TNFRSF11A: variants seen among roughly 807,000 people sequenced by gnomAD.
The protein encoded by TNFRSF11A is tumor necrosis factor receptor superfamily member 11A.
In TNFRSF11A, 32 loss-of-function variants were observed where a neutral mutation model predicts 55.7. The observed-to-expected ratio is 0.57, with a 90% CI of 0.43 to 0.77. TNFRSF11A has a LOEUF of 0.77. TNFRSF11A is among the 30% of genes least tolerant of loss of function. The pLI is 0.00. For synonymous variants in TNFRSF11A, 311 were observed against 331.0 expected, an observed-to-expected ratio of 0.94 and a Z score of 0.65; for missense variants, 753 against 809.8, an observed-to-expected ratio of 0.93 and a Z score of 0.85.
chr18:62,340,201 T>C (rs944481460), intron 1 of TNFRSF11A, among the ~76,000 whole-genome samples: 11 of 151,248 alleles, frequency 7.3e-5, no homozygotes, highest in East Asian at 2.0e-4. Flanking sequence ...CAGAAAAGAG[T>C]CCCAAATCCT....
chr18:62,377,262 A>T (rs754933643), intron 9 of TNFRSF11A, among the ~76,000 whole-genome samples: 7 of 152,174 alleles, frequency 4.6e-5, no homozygotes, highest in Admixed American at 2.6e-4. Flanking sequence ...TGTGGAGGAC[A>T]TGGGGGATTT....
intron 9 of TNFRSF11A, chr18:62,372,976 T>C (rs763738019): frequency 6.6e-6 from 1 of 152,332 alleles, no homozygotes; most frequent in East Asian, 1.9e-4. Context: ...GAAAAACAAG[T>C]AGGGATTAAT....
At position 62,354,553 on chromosome 18, in the gene TNFRSF11A, C is replaced by A. The variant is rs1460077740; in HGVS notation, c.427+19C>A. 6.2e-7 allele frequency: 1 copy of A among 1,601,748 alleles called. No homozygotes were observed. The highest frequency in any genetic ancestry group is 2.2e-5 in the East Asian group (1 of 44,860). ...CACCCGTGTACGGGTTGGATGTGTG[C>A]GTCTGTCGGCTCTTGCTGAGCCATG... On this transcript the variant is annotated intron_variant, in intron 4 of 9. Transcript: ENST00000586569.
intron 1 of TNFRSF11A, among the ~76,000 whole-genome samples, chr18:62,340,493 C>CT (rs35713438): frequency 8.0e-4 from 117 of 145,834 alleles, no homozygotes; most frequent in African/African-American, 9.6e-4. Flanking sequence ...CTGTGCTAAG[C>CT]TTTTTTTTTT....
In TNFRSF11A at chr18:62,387,228, T is replaced by C. The variant is rs1911795651; in HGVS notation, c.*2194T>C. The C allele has an allele frequency of 6.6e-6, 1 of 152,202 alleles. No homozygotes were observed. The highest frequency in any genetic ancestry group is 1.5e-5 in the Non-Finnish European group (1 of 68,042). The allele number at this position is 152,202 out of a possible 1,614,324, so 9.4% of individuals were successfully genotyped here. A position where few individuals can be genotyped will look rare whatever the true frequency, so the allele number is the denominator to read the frequency against. Reference sequence around the variant, plus strand: ...AAAAAGGTAATATTATTTCCTGCACTGATCCCTACTAATTCTATATTGATC... The same window carrying C: ...AAAAAGGTAATATTATTTCCTGCACCGATCCCTACTAATTCTATATTGATC... On this transcript the variant is annotated 3_prime_UTR_variant, in exon 10 of 10. Coordinates refer to ENST00000586569, the MANE Select transcript of TNFRSF11A (RefSeq NM_003839.4).
chr18:62,384,672 C>T (rs1050544597), intron 9 of TNFRSF11A, 79 bp from the exon 10 acceptor site: 6 of 1,548,792 alleles, frequency 3.9e-6, no homozygotes, highest in Non-Finnish European at 4.4e-6. Flanking sequence ...CCCTCCACTC[C>T]CCGGAACCTT....
In TNFRSF11A at chr18:62,361,691, T is replaced by A; in HGVS notation, c.628T>A (p.Tyr210Asn). 5 of 1,614,130 alleles carry A rather than the reference T, an allele frequency of 3.1e-6. No homozygotes were observed. Among genetic ancestry groups the A allele is most frequent in the Non-Finnish European group, 4.2e-6 (5 of 1,179,944 alleles). Residue 210 changes from tyrosine (Y) to asparagine (N), a missense_variant, in exon 7 of 10, where the codon TAC (tyrosine) becomes AAC (asparagine). Tyr to Asn is a moderately radical substitution (Grantham distance 143). Transcript: ENST00000586569. The part of the protein sequence containing the change: ...ARKPPNEPHV[Y>N]LPGLIILLLF... ...TTCTTCCAATACAGAACCCCATGTT[T>A]ACTTGCCCGGTTTAATAATTCTGCT...
chr18:62,348,516 C>T (rs1050760439), intron 2 of TNFRSF11A, among the ~76,000 whole-genome samples: 4 of 152,192 alleles, frequency 2.6e-5, no homozygotes, highest in African/African-American at 7.2e-5. Flanking sequence ...CACTATTTCT[C>T]GAGATGGCAA....
At chr18:62,376,918 CTTTT>C (rs1213961498) in intron 9 of TNFRSF11A, among the ~76,000 whole-genome samples, 1 of 151,986 alleles carries the variant, frequency 6.6e-6, no homozygotes, top group Non-Finnish European at 1.5e-5. Context: ...TAGCTCTTTT[CTTTT>C]TTTATTTTTT....
intron 1 of TNFRSF11A, among the ~76,000 whole-genome samples, chr18:62,338,042 A>G (rs2046259274): frequency 6.6e-6 from 1 of 152,242 alleles, no homozygotes; most frequent in Non-Finnish European, 1.5e-5. Flanking sequence ...ACAGGTGGCC[A>G]ATAAGCACAA....
intron 1 of TNFRSF11A, among the ~76,000 whole-genome samples, chr18:62,338,265 T>C (rs1414455687): frequency 6.6e-6 from 1 of 152,194 alleles, no homozygotes; most frequent in Admixed American, 6.5e-5. Flanking sequence ...CGGAAAACAG[T>C]TGAGGGGTGG....
rs375075146 is a variant in TNFRSF11A at position 62,361,699 on chromosome 18, C to G, written c.636C>G (p.Pro212=). ...KPPNEPHVYL[P]GLIILLLFAS... ...ATACAGAACCCCATGTTTACTTGCCCGGTTTAATAATTCTGCTTCTCTTCG... is the reference window on the plus strand; with the variant it reads ...ATACAGAACCCCATGTTTACTTGCCGGGTTTAATAATTCTGCTTCTCTTCG... Residue 212 remains proline, a synonymous_variant, in exon 7 of 10, where the codon CCC becomes CCG. Transcript: ENST00000586569. 1.2e-6 allele frequency: 2 copies of G among 1,614,072 alleles called. No individual in the cohort carries two copies. The highest frequency in any genetic ancestry group is 1.7e-6 in the Non-Finnish European group (2 of 1,179,966).
At chr18:62,378,812 G>A (rs991368751) in intron 9 of TNFRSF11A, among the ~76,000 whole-genome samples, 2 of 152,206 alleles carry the variant, frequency 1.3e-5, no homozygotes, top group African/African-American at 2.4e-5. Context: ...CTCACCACTA[G>A]TGAGAGCCAA....
chr18:62,371,701 A>G (rs186770319), intron 9 of TNFRSF11A, among the ~76,000 whole-genome samples: 147 of 152,356 alleles, frequency 9.6e-4, no homozygotes, highest in Non-Finnish European at 1.5e-3. Flanking sequence ...AGGCTGTGCT[A>G]TTCTCTCCAC....
At position 62,387,897 on chromosome 18, in the gene TNFRSF11A, C is replaced by G. The variant is rs1911841713; in HGVS notation, c.*2863C>G. Reference sequence around the variant, plus strand: ...TTGGGAGGCCAAGGCAGGAGGATCACTTGAGGACAGTAGTTAGAGATCAAA... The same window carrying G: ...TTGGGAGGCCAAGGCAGGAGGATCAGTTGAGGACAGTAGTTAGAGATCAAA... On this transcript the variant is annotated 3_prime_UTR_variant, in exon 10 of 10. Coordinates refer to ENST00000586569, the MANE Select transcript of TNFRSF11A (RefSeq NM_003839.4). The G allele has an allele frequency of 6.6e-6, 1 of 152,210 alleles. No individual in the cohort carries two copies. The highest frequency in any genetic ancestry group is 2.4e-5 in the African/African-American group (1 of 41,426). 9.4% of individuals were successfully genotyped at this position (152,210 alleles called of 1,614,324 possible). A position where few individuals can be genotyped will look rare whatever the true frequency, so the allele number is the denominator to read the frequency against.
chr18:62,385,311 A>G lies in TNFRSF11A; in HGVS notation c.*277A>G. 3.3e-6 allele frequency: 1 copy of G among 304,502 alleles called. No individual in the cohort carries two copies. Among genetic ancestry groups the G allele is most frequent in the Non-Finnish European group, 5.9e-6 (1 of 170,420 alleles). 18.9% of individuals were successfully genotyped at this position (304,502 alleles called of 1,614,324 possible). A position where few individuals can be genotyped will look rare whatever the true frequency, so the allele number is the denominator to read the frequency against. ...ACTCGCAGCAGTAATTTGTGGCACTATGACAGCTATTTTTATGACTATCCT... is the reference window on the plus strand; with the variant it reads ...ACTCGCAGCAGTAATTTGTGGCACTGTGACAGCTATTTTTATGACTATCCT... On this transcript the variant is annotated 3_prime_UTR_variant, in exon 10 of 10. Coordinates refer to ENST00000586569, the MANE Select transcript of TNFRSF11A (RefSeq NM_003839.4).
chr18:62,354,574 C>T (rs1568482494), intron 4 of TNFRSF11A, 40 bp downstream of exon 4: 1 of 1,599,556 alleles, frequency 6.3e-7, no homozygotes, highest in East Asian at 2.2e-5. Flanking sequence ...TCTTGCTGAG[C>T]CATGCAAAGC....
At chr18:62,371,138 T>C (rs927245118) in intron 9 of TNFRSF11A, among the ~76,000 whole-genome samples, 1 of 152,202 alleles carries the variant, frequency 6.6e-6, no homozygotes, top group East Asian at 1.9e-4. Context: ...CCTGTTCTAT[T>C]TCTTTTCTCT....
intron 1 of TNFRSF11A, among the ~76,000 whole-genome samples, chr18:62,331,539 A>G (rs1186896143): frequency 3.8e-4 from 58 of 152,174 alleles, no homozygotes; most frequent in Non-Finnish European, 2.9e-5. Flanking sequence ...TCTGACATCT[A>G]GAGAGCCATT....
Sources: gnomAD v4.1 joint callset for allele counts (sites outside exome capture counted in the v4.1 genomes callset) on GRCh38, gnomAD v4.1.1 for gene constraint, MANE v1.5 for transcripts, NCBI Gene and HGNC (gene_info 2026-07-23, HGNC 2026-07-21) for gene names.